The following ANO10 variants were observed in gnomAD, a reference collection of about 807,000 sequenced individuals.
The protein encoded by ANO10 is anoctamin-10.
A neutral mutation model predicts 74.7 loss-of-function variants in ANO10; 77 were observed. That is an observed-to-expected ratio of 1.03 (90% CI 0.86 to 1.25). The LOEUF is 1.25. ANO10 is among the 50% of genes most tolerant of loss of function. The pLI is 0.00. For missense variants in ANO10, 721 were observed against 778.1 expected (o/e 0.93, Z 0.87); for synonymous variants, 279 against 284.9 (o/e 0.98, Z 0.21).
intron 9 of ANO10, 134 bp downstream of exon 9, chr3:43,561,086 G>T: frequency 2.0e-6 from 2 of 1,023,346 alleles, no homozygotes; most frequent in Non-Finnish European, 3.0e-6. Flanking sequence ...AGTGGTTCAT[G>T]ATGAGGAAAC....
At chr3:43,547,859 A>G (rs183123344) in intron 11 of ANO10, among the ~76,000 whole-genome samples, 163 of 152,346 alleles carry the variant, frequency 1.1e-3, no homozygotes, top group African/African-American at 3.8e-3. Flanking sequence ...CCAGCCAGGA[A>G]TCTAGAGAAA....
chr3:43,596,859 A>G (rs1380773332), intron 4 of ANO10, among the ~76,000 whole-genome samples: 2 of 152,208 alleles, frequency 1.3e-5, no homozygotes, highest in African/African-American at 2.4e-5. Context: ...TTTGCAATCT[A>G]TCCATCTGAC....
At chr3:43,541,608 T>C (rs1458402772) in intron 11 of ANO10, among the ~76,000 whole-genome samples, 1 of 152,236 alleles carries the variant, frequency 6.6e-6, no homozygotes, top group East Asian at 1.9e-4. Context: ...ACTAACTATA[T>C]GTACACTGAA....
intron 12 of ANO10, among the ~76,000 whole-genome samples, chr3:43,414,193 T>C (rs2092705001): frequency 6.6e-6 from 1 of 152,130 alleles, no homozygotes; most frequent in Non-Finnish European, 1.5e-5. Context: ...AAGAAGGGCG[T>C]TCAGATAACA....
chr3:43,480,979 A>ATAATTGTATAATAATCCAATTAC (rs1553683439), intron 11 of ANO10, among the ~76,000 whole-genome samples: 29 of 150,438 alleles, frequency 1.9e-4, no homozygotes, highest in African/African-American at 6.8e-4. Flanking sequence ...TTATTGTATA[A>ATAATTGTATAATAATCCAATTAC]TAATTGTATA....
chr3:43,684,247 A>C (rs1575592627), intron 1 of ANO10, among the ~76,000 whole-genome samples: 1 of 152,206 alleles, frequency 6.6e-6, no homozygotes, highest in Admixed American at 6.5e-5. Context: ...AAAAACAAAC[A>C]ACCCCATCAA....
At chr3:43,668,461 T>C (rs2084018814) in intron 1 of ANO10, among the ~76,000 whole-genome samples, 1 of 152,184 alleles carries the variant, frequency 6.6e-6, no homozygotes, top group Non-Finnish European at 1.5e-5. Flanking sequence ...TTGTTTTTGT[T>C]GCATTTGCTT....
At chr3:43,509,310 A>G (rs1284557308) in intron 11 of ANO10, among the ~76,000 whole-genome samples, 1 of 152,122 alleles carries the variant, frequency 6.6e-6, no homozygotes, top group Non-Finnish European at 1.5e-5. Flanking sequence ...TGGCACATGT[A>G]CACGTATGTA....
At chr3:43,567,978 G>C (rs2149371118) in intron 7 of ANO10, among the ~76,000 whole-genome samples, 1 of 152,018 alleles carries the variant, frequency 6.6e-6, no homozygotes, top group East Asian at 1.9e-4. Context: ...AAAATAAAAG[G>C]ATGGAGGAAG....
intron 7 of ANO10, among the ~76,000 whole-genome samples, chr3:43,573,100 C>G (rs2080819001): frequency 6.6e-6 from 1 of 151,652 alleles, no homozygotes; most frequent in Non-Finnish European, 1.5e-5. Context: ...AATGTTTTTA[C>G]CTCTGAGGGA....
chr3:43,655,240 C>T (rs1415695699), intron 1 of ANO10, among the ~76,000 whole-genome samples: 4 of 152,082 alleles, frequency 2.6e-5, no homozygotes, highest in African/African-American at 4.8e-5. Context: ...AGAATGAAGC[C>T]GTGGACCCTC....
intron 12 of ANO10, among the ~76,000 whole-genome samples, chr3:43,378,292 A>C (rs1438161826): frequency 2.0e-5 from 3 of 152,212 alleles, no homozygotes; most frequent in Non-Finnish European, 4.4e-5. Context: ...CACTTTCTGC[A>C]CACCTAGGAA....
At position 43,593,167 on chromosome 3, in the gene ANO10, A is replaced by C. The variant is rs2081888810; in HGVS notation, c.472+5365T>G. 5.3e-5 allele frequency among the ~76,000 whole-genome samples: 8 copies of C among 152,228 alleles called. No homozygotes were observed. In the South Asian group the frequency reaches 1.7e-3, roughly 32 times the overall value. On this transcript the variant is annotated intron_variant, in intron 4 of 12. Coordinates refer to ENST00000292246, the MANE Select transcript of ANO10 (RefSeq NM_018075.5). ...CCTGAAAGTGACGGAGAGAATGGAA[A>C]CAAGTTGGAAACACTCTTCAGGATA...
intron 7 of ANO10, among the ~76,000 whole-genome samples, chr3:43,572,303 G>A (rs2080771924): frequency 6.6e-6 from 1 of 152,180 alleles, no homozygotes; most frequent in African/African-American, 2.4e-5. Context: ...GGACTCCCCT[G>A]CTCCACAGAG....
At chr3:43,536,419 C>T (rs993071662) in intron 11 of ANO10, among the ~76,000 whole-genome samples, 2 of 152,150 alleles carry the variant, frequency 1.3e-5, no homozygotes, top group African/African-American at 4.8e-5. Context: ...TCTACATAGT[C>T]ATTTGCATTT....
intron 11 of ANO10, among the ~76,000 whole-genome samples, chr3:43,449,279 G>T (rs762158934): frequency 3.4e-4 from 51 of 151,756 alleles, no homozygotes; most frequent in Non-Finnish European, 6.3e-4. Context: ...CCCAGTTTTT[G>T]GCTTTTTTCA....
chr3:43,413,271 G>A (rs999166477), intron 12 of ANO10, among the ~76,000 whole-genome samples: 3 of 152,090 alleles, frequency 2.0e-5, no homozygotes, highest in Admixed American at 1.3e-4. Flanking sequence ...ATTTAAGAGC[G>A]ACTCCTTGTT....
chr3:43,449,837 T>C (rs1446420715), intron 11 of ANO10, among the ~76,000 whole-genome samples: 2 of 152,140 alleles, frequency 1.3e-5, no homozygotes, highest in Non-Finnish European at 2.9e-5. Context: ...TGCTTGGATT[T>C]TGATGGAGAT....
chr3:43,635,817 T>A (rs2083602939), intron 1 of ANO10, among the ~76,000 whole-genome samples: 1 of 151,966 alleles, frequency 6.6e-6, no homozygotes. Flanking sequence ...AGATGGGGTT[T>A]CACCTTGTTG....
Sources: gnomAD v4.1 joint callset for allele counts (sites outside exome capture counted in the v4.1 genomes callset) on GRCh38, gnomAD v4.1.1 for gene constraint, MANE v1.5 for transcripts, NCBI Gene and HGNC (gene_info 2026-07-23, HGNC 2026-07-21) for gene names.